Variants in POLR2M observed in about 807,000 individuals in gnomAD.
The protein encoded by POLR2M is protein GRINL1A.
A neutral mutation model predicts 34.6 loss-of-function variants in POLR2M; 30 were observed. The observed-to-expected ratio is 0.87, with a 90% CI of 0.65 to 1.18. POLR2M has a LOEUF of 1.18. Ranked by LOEUF, POLR2M falls within the 50% of genes most tolerant of loss-of-function variation. The pLI is 0.00. For synonymous variants in POLR2M, 150 were observed against 166.7 expected, an observed-to-expected ratio of 0.90 and a Z score of 0.77; for missense variants, 432 against 448.7, an observed-to-expected ratio of 0.96 and a Z score of 0.34.
intron 1 of POLR2M, 91 bp downstream of exon 1, chr15:57,707,046 C>T (rs1194289900): frequency 2.6e-6 from 4 of 1,551,772 alleles, no homozygotes; most frequent in Non-Finnish European, 3.5e-6. Flanking sequence ...GTTCCCTTCC[C>T]TGGAAGGTGA....
Position 57,709,324 on chromosome 15 carries a change from C to T in POLR2M, c.724C>T (p.Pro242Ser), listed in dbSNP as rs780235601. The T allele has an allele frequency of 6.2e-6, 10 of 1,613,898 alleles. No individual in the cohort carries two copies. Among genetic ancestry groups the T allele is most frequent in the Non-Finnish European group, 7.6e-6 (9 of 1,179,908 alleles). The change falls in exon 2 of 4, where the codon CCA (proline) becomes TCA (serine). Residue 242 changes from proline (P) to serine (S), a missense_variant. Transcript: ENST00000299638. The stretch of plus-strand genomic sequence containing the variant: ...AGTGCTAGAAATGCGAGCCAAAAAC[C>T]CAGTGCCCCAGCTGCGTAAATTTAA... ...MEVLEMRAKN[P>S]VPQLRKFKTN...
At chr15:57,710,059 A>G (rs183244443) in intron 2 of POLR2M, among the ~76,000 whole-genome samples, 1 of 152,240 alleles carries the variant, frequency 6.6e-6, no homozygotes, top group Non-Finnish European at 1.5e-5. Context: ...TACATGTGTA[A>G]TGTAATACAA....
intron 3 of POLR2M, among the ~76,000 whole-genome samples, chr15:57,712,539 G>T (rs979698555): frequency 2.6e-4 from 39 of 152,142 alleles, no homozygotes; most frequent in Non-Finnish European, 4.4e-4. Flanking sequence ...GCTTCTCAGT[G>T]GCGGACTCAA....
rs1172196840 is a variant in POLR2M, at chr15:57,715,704, A to G, written c.*1025A>G. ...CGTTCATGTCATTTTAGAGGATTAT[A>G]TGGTTGTCTCCAGAGAAATTAACTT... On this transcript the variant is annotated 3_prime_UTR_variant, in exon 4 of 4. Transcript: ENST00000299638. The G allele has an allele frequency of 3.3e-5, 5 of 152,304 alleles. No homozygotes were observed. In the South Asian group the frequency reaches 8.3e-4, roughly 25 times the overall value. The allele number at this position is 152,304 out of a possible 1,614,324, so 9.4% of individuals were successfully genotyped here.
At chr15:57,707,468 C>G (rs1274417714) in intron 1 of POLR2M, 6 of 545,118 alleles carry the variant, frequency 1.1e-5, no homozygotes, top group Admixed American at 8.9e-5. Context: ...GTTTTTTAGG[C>G]AGCTTTGTTC....
In POLR2M at chr15:57,716,988, A is replaced by C. The variant is rs1176161480; in HGVS notation, c.*2309A>C. The C allele has an allele frequency of 3.9e-5, 6 of 152,186 alleles. No homozygotes were observed. In the South Asian group the frequency reaches 1.2e-3, roughly 31 times the overall value. The allele number at this position is 152,186 out of a possible 1,614,324, so 9.4% of individuals were successfully genotyped here. A position where few individuals can be genotyped will look rare whatever the true frequency, so the allele number is the denominator to read the frequency against. On this transcript the variant is annotated 3_prime_UTR_variant, in exon 4 of 4. Coordinates refer to ENST00000299638, the MANE Select transcript of POLR2M (RefSeq NM_015532.5). ...TATATACATTAACTAAATCAGTACA[A>C]GTTTGGGGTGAAAAGGAAATTTTTA...
intron 3 of POLR2M, among the ~76,000 whole-genome samples, chr15:57,714,138 C>T (rs1363485535): frequency 6.6e-6 from 1 of 152,104 alleles, no homozygotes; most frequent in Non-Finnish European, 1.5e-5. Flanking sequence ...TGAGCCACTG[C>T]ACCGGGCCCC....
At chr15:57,710,154 C>T (rs1567267477) in intron 2 of POLR2M, among the ~76,000 whole-genome samples, 1 of 152,128 alleles carries the variant, frequency 6.6e-6, no homozygotes, top group East Asian at 1.9e-4. Context: ...ATAATAATAA[C>T]AGTTTCAGGG....
rs2040924025 is a variant in POLR2M, at chr15:57,715,939, A to C, written c.*1260A>C. The C allele has an allele frequency of 6.6e-6, 1 of 152,296 alleles. No individual in the cohort carries two copies. The highest frequency in any genetic ancestry group is 1.5e-5 in the Non-Finnish European group (1 of 68,054). The allele number at this position is 152,296 out of a possible 1,614,324, so 9.4% of individuals were successfully genotyped here. A position where few individuals can be genotyped will look rare whatever the true frequency, so the allele number is the denominator to read the frequency against. On this transcript the variant is annotated 3_prime_UTR_variant, in exon 4 of 4. Transcript: ENST00000299638. ...TTACCCCCCTCAAGCAAATGTGAAA[A>C]GTATACTGACCTAAGATTCTCATTA... is the stretch of plus-strand genomic sequence containing the variant.
Position 57,712,061 on chromosome 15 carries a change from G to A in POLR2M, c.836G>A (p.Arg279His), listed in dbSNP as rs191581515. 38 of 1,613,996 alleles carry A rather than the reference G, an allele frequency of 2.4e-5. No homozygotes were observed. The highest frequency in any genetic ancestry group is 1.7e-4 in the Middle Eastern group (1 of 6,036). Residue 279 changes from arginine (R) to histidine (H), a missense_variant, in exon 3 of 4, where the codon CGC becomes CAC. Transcript: ENST00000299638. ...CCTATTTCCTCAGAAGAGCGGCGGC[G>A]CAGGGATAAGCAGCATCTTGATGAC... is the stretch of plus-strand genomic sequence containing the variant. ...GSPISSEERR[R>H]RDKQHLDDIT...
chr15:57,711,089 G>T (rs1207213226), intron 2 of POLR2M, among the ~76,000 whole-genome samples: 1 of 152,182 alleles, frequency 6.6e-6, no homozygotes, highest in Admixed American at 6.5e-5. Flanking sequence ...AAGTGGAACT[G>T]CAGTTTCTTT....
chr15:57,714,100 G>A (rs2140839710), intron 3 of POLR2M, among the ~76,000 whole-genome samples: 1 of 152,144 alleles, frequency 6.6e-6, no homozygotes, highest in East Asian at 1.9e-4. Context: ...GCCTGCCTCA[G>A]CTTCCCAAAG....
intron 2 of POLR2M, 46 bp from the exon 3 acceptor site, chr15:57,711,938 C>T: frequency 6.2e-7 from 1 of 1,604,814 alleles, no homozygotes; most frequent in East Asian, 2.2e-5. Flanking sequence ...AATGTGTCTA[C>T]AAATAAAATA....
intron 3 of POLR2M, among the ~76,000 whole-genome samples, chr15:57,713,206 A>AAC (rs1555470892): frequency 6.6e-6 from 1 of 151,634 alleles, no homozygotes; most frequent in African/African-American, 2.4e-5. Context: ...TCAAAAAAAA[A>AAC]AACAACAAAA....
intron 3 of POLR2M, among the ~76,000 whole-genome samples, chr15:57,713,969 C>T (rs1008135876): frequency 1.3e-5 from 2 of 150,600 alleles, no homozygotes; most frequent in African/African-American, 4.9e-5. Context: ...CTTGTGAACC[C>T]GGGAACACGC....
chr15:57,714,134 A>G (rs1272516444), intron 3 of POLR2M, among the ~76,000 whole-genome samples: 2 of 152,126 alleles, frequency 1.3e-5, no homozygotes, highest in African/African-American at 4.8e-5. Flanking sequence ...GGCGTGAGCC[A>G]CTGCACCGGG....
At chr15:57,711,184 A>G (rs747561063) in intron 2 of POLR2M, among the ~76,000 whole-genome samples, 7 of 151,996 alleles carry the variant, frequency 4.6e-5, no homozygotes, top group Non-Finnish European at 4.4e-5. Flanking sequence ...TCTCATCTCC[A>G]TATCTGCTAG....
At chr15:57,707,091 G>GC (rs1217420233) in intron 1 of POLR2M, 136 bp downstream of exon 1, 12 of 1,549,576 alleles carry the variant, frequency 7.7e-6, no homozygotes, top group Non-Finnish European at 1.0e-5. Flanking sequence ...AGTCCTACGG[G>GC]CGAGTGGACG....
At chr15:57,707,093 G>A in intron 1 of POLR2M, 138 bp downstream of exon 1, 1 of 1,549,230 alleles carries the variant, frequency 6.5e-7, no homozygotes, top group Non-Finnish European at 8.7e-7. Flanking sequence ...TCCTACGGGC[G>A]AGTGGACGGA....
Sources: gnomAD v4.1 joint callset for allele counts (sites outside exome capture counted in the v4.1 genomes callset) on GRCh38, gnomAD v4.1.1 for gene constraint, MANE v1.5 for transcripts, NCBI Gene and HGNC (gene_info 2026-07-23, HGNC 2026-07-21) for gene names.